The following MTA3 variants were observed in gnomAD, a reference collection of about 807,000 sequenced individuals.
The protein encoded by MTA3 is metastasis associated 1 family member 3, also known as metastasis-associated protein MTA3.
MTA3 carries 34 observed loss-of-function variants against 83.5 expected under a neutral mutation model. The observed-to-expected ratio is 0.41, with a 90% CI of 0.31 to 0.54. The LOEUF (loss-of-function observed/expected upper bound fraction) is 0.54. MTA3 is among the 20% of genes least tolerant of loss of function. The pLI is 0.33. For synonymous variants in MTA3, 303 were observed against 252.7 expected (o/e 1.20, Z -1.89); for missense variants, 761 against 726.4 (o/e 1.05, Z -0.55).
At chr2:42,722,585 C>T (rs1407866250) in intron 15 of MTA3, among the ~76,000 whole-genome samples, 1 of 152,134 alleles carries the variant, frequency 6.6e-6, no homozygotes, top group Non-Finnish European at 1.5e-5. Flanking sequence ...AGTCAGATGC[C>T]TTATTCCCTT....
intron 15 of MTA3, among the ~76,000 whole-genome samples, chr2:42,721,512 A>G (rs1005725313): frequency 9.9e-5 from 15 of 151,984 alleles, no homozygotes; most frequent in Admixed American, 9.2e-4. Context: ...AAATTTTTGT[A>G]GAGACAGGGT....
At chr2:42,533,348 C>G (rs528204188) in intron 2 of MTA3, 1 of 151,196 alleles carries the variant, frequency 6.6e-6, no homozygotes, top group Admixed American at 6.6e-5. Context: ...CTTGGCCTCC[C>G]AAAGTGCTGG....
chr2:42,714,833 A>G (rs1340892005), intron 14 of MTA3, among the ~76,000 whole-genome samples: 2 of 152,174 alleles, frequency 1.3e-5, no homozygotes, highest in Non-Finnish European at 2.9e-5. Context: ...GCGGTTCACA[A>G]TAGGGTTAGC....
At chr2:42,553,624 A>G (rs919778583) in intron 2 of MTA3, among the ~76,000 whole-genome samples, 2 of 149,822 alleles carry the variant, frequency 1.3e-5, no homozygotes, top group Admixed American at 6.7e-5. Flanking sequence ...AATCCCAGCT[A>G]CTCGAGAGGC....
rs541272734 is a variant in MTA3, at chr2:42,559,593, C to T, written c.-140-10844C>T. Among the ~76,000 whole-genome samples the T allele has an allele frequency of 8.9e-5, 13 of 146,398 alleles. No individual in the cohort carries two copies. The South Asian group carries it at 2.9e-3, about 32-fold the overall frequency. On this transcript the variant is annotated intron_variant, in intron 2 of 17. Coordinates refer to the MTA3 transcript ENST00000405592. Reference sequence around the variant, plus strand: ...GCTGGCTCTGCCTTAAAAAATATATCTCTGGCCAGGCGCAGTGGCTCACGC... The same window carrying T: ...GCTGGCTCTGCCTTAAAAAATATATTTCTGGCCAGGCGCAGTGGCTCACGC...
chr2:42,636,554 A>G (rs1246080671), intron 4 of MTA3, among the ~76,000 whole-genome samples: 1 of 151,872 alleles, frequency 6.6e-6, no homozygotes, highest in Non-Finnish European at 1.5e-5. Flanking sequence ...AACAAAACAA[A>G]ACAAAACAAA....
chr2:42,655,949 C>T lies in MTA3; in HGVS notation c.500-251C>T, dbSNP rs369226910. On this transcript the variant is annotated intron_variant, in intron 6 of 16. Coordinates refer to ENST00000405094, the MANE Select transcript of MTA3 (RefSeq NM_001330442.2). Reference sequence around the variant, plus strand: ...TCTCTTAGCATGGCACTTACTGCCTCTCACATACAGCTACTCCAGAAATAA... The same window carrying T: ...TCTCTTAGCATGGCACTTACTGCCTTTCACATACAGCTACTCCAGAAATAA... Among the ~76,000 whole-genome samples, 15 of 152,228 alleles carry T rather than the reference C, an allele frequency of 9.9e-5. No homozygotes were observed. In the South Asian group the frequency reaches 2.9e-3, roughly 29 times the overall value.
At chr2:42,594,671 T>C (rs1681477239) in intron 3 of MTA3, among the ~76,000 whole-genome samples, 1 of 134,806 alleles carries the variant, frequency 7.4e-6, no homozygotes, top group Non-Finnish European at 1.6e-5. Context: ...TATACACACA[T>C]ATATAAATAT....
chr2:42,600,506 T>C (rs966965825), intron 3 of MTA3, among the ~76,000 whole-genome samples: 7 of 152,022 alleles, frequency 4.6e-5, no homozygotes, highest in Non-Finnish European at 1.0e-4. Flanking sequence ...TATTAATTTT[T>C]TTTTTTTTTG....
intron 16 of MTA3, among the ~76,000 whole-genome samples, chr2:42,748,571 CCA>C (rs1439492479): frequency 6.6e-6 from 1 of 151,958 alleles, no homozygotes; most frequent in Non-Finnish European, 1.5e-5. Flanking sequence ...CTAAAATTGC[CCA>C]CCTTGTCACC....
chr2:42,663,295 T>A (rs982293202), intron 8 of MTA3, among the ~76,000 whole-genome samples: 1 of 152,162 alleles, frequency 6.6e-6, no homozygotes, highest in African/African-American at 2.4e-5. Flanking sequence ...GGGCTCTTGG[T>A]TCACAGCTGC....
At chr2:42,566,307 T>C, upstream of MTA3, among the ~76,000 whole-genome samples, 1 of 152,174 alleles carries the variant, frequency 6.6e-6, no homozygotes, top group Middle Eastern at 3.2e-3. Context: ...TGTGTGAACC[T>C]CTCTGGAATT....
intron 3 of MTA3, among the ~76,000 whole-genome samples, chr2:42,595,750 A>T (rs1681718922): frequency 6.6e-6 from 1 of 152,212 alleles, no homozygotes. Context: ...AAAAAATTTT[A>T]AAAATTATTA....
chr2:42,618,071 A>G (rs903584348), intron 4 of MTA3, among the ~76,000 whole-genome samples: 5 of 152,050 alleles, frequency 3.3e-5, no homozygotes, highest in African/African-American at 1.2e-4. Flanking sequence ...CAGCCTTCCA[A>G]GTAGCTGGGA....
chr2:42,715,234 C>T (rs910059860), intron 14 of MTA3, among the ~76,000 whole-genome samples: 2 of 152,110 alleles, frequency 1.3e-5, no homozygotes, highest in African/African-American at 4.8e-5. Context: ...TCCTTCTAAC[C>T]AACTCAAGTG....
At chr2:42,709,313 T>C in intron 14 of MTA3, 5 of 1,380,268 alleles carry the variant, frequency 3.6e-6, no homozygotes, top group Non-Finnish European at 3.7e-6. Flanking sequence ...ACTTCTGTAC[T>C]CTTTACCAGA....
chr2:42,510,774 A>G (rs994380141), intron 2 of MTA3, among the ~76,000 whole-genome samples: 6 of 152,206 alleles, frequency 3.9e-5, no homozygotes, highest in African/African-American at 7.2e-5. Context: ...GAGCCCAGAC[A>G]GGAAGGAAGT....
chr2:42,595,757 A>G (rs1388283749), intron 3 of MTA3, among the ~76,000 whole-genome samples: 2 of 152,188 alleles, frequency 1.3e-5, no homozygotes, highest in African/African-American at 4.8e-5. Flanking sequence ...TTTAAAAATT[A>G]TTATTGTAAC....
chr2:42,496,554 G>A (rs1319320237), intron 2 of MTA3, among the ~76,000 whole-genome samples: 2 of 148,242 alleles, frequency 1.3e-5, no homozygotes, highest in South Asian at 2.1e-4. Flanking sequence ...ACAATTTAAA[G>A]GTAGAATTTT....
Sources: allele counts gnomAD v4.1 joint callset (sites outside exome capture counted in the v4.1 genomes callset), GRCh38; gene constraint gnomAD v4.1.1; transcripts MANE v1.5; gene names NCBI Gene and HGNC (gene_info 2026-07-23, HGNC 2026-07-21).